PDE4D: variants seen among roughly 807,000 people sequenced by gnomAD.
PDE4D encodes the protein phosphodiesterase 4D.
PDE4D carries 24 observed loss-of-function variants against 87.4 expected under a neutral mutation model. The ratio of observed to expected loss-of-function variants is 0.27; its 90% CI spans 0.20 to 0.39. The LOEUF (loss-of-function observed/expected upper bound fraction) is 0.39, where lower values mean the gene tolerates loss of function less well. Ranked by LOEUF, PDE4D falls within the 10% of genes least tolerant of loss-of-function variation. The probability of loss-of-function intolerance (pLI) is 1.00; values close to 1 mark genes in which losing one functional copy is unlikely to be tolerated. For missense variants in PDE4D, 714 were observed against 1,041.0 expected, an observed-to-expected ratio of 0.69 and a Z score of 4.32; for synonymous variants, 384 against 383.2, an observed-to-expected ratio of 1.00 and a Z score of -0.02.
At chr5:59,851,649 T>C (rs1217250214) in intron 1 of PDE4D, among the ~76,000 whole-genome samples, 1 of 152,050 alleles carries the variant, frequency 6.6e-6, no homozygotes, top group East Asian at 1.9e-4. Context: ...GTGGGCCAGA[T>C]ATAATCATAT....
At chr5:60,173,152 A>G (rs1783618408) in intron 2 of PDE4D, among the ~76,000 whole-genome samples, 1 of 152,112 alleles carries the variant, frequency 6.6e-6, no homozygotes, top group Non-Finnish European at 1.5e-5. Flanking sequence ...AGTGATGCCT[A>G]CAGTTACATT....
intron 11 of PDE4D, among the ~76,000 whole-genome samples, chr5:58,981,666 A>C (rs1225389411): frequency 6.6e-6 from 1 of 152,100 alleles, no homozygotes; most frequent in African/African-American, 2.4e-5. Context: ...GGTATTTGTA[A>C]TTACCTTCTT....
intron 1 of PDE4D, among the ~76,000 whole-genome samples, chr5:59,276,696 C>T (rs1764887037): frequency 2.0e-5 from 3 of 151,950 alleles, no homozygotes; most frequent in Admixed American, 1.3e-4. Flanking sequence ...GTTTTCTAAA[C>T]CTTATTTTTT....
intron 1 of PDE4D, chr5:59,314,925 C>A (rs1313609220): frequency 4.6e-5 from 7 of 152,110 alleles, no homozygotes. Flanking sequence ...GAGGGAGGAT[C>A]CCTGGAGAAT....
chr5:59,262,982 T>C (rs1162430116), intron 1 of PDE4D, among the ~76,000 whole-genome samples: 1 of 151,800 alleles, frequency 6.6e-6, no homozygotes, highest in Non-Finnish European at 1.5e-5. Flanking sequence ...AGATTAGAAT[T>C]GCCAGTGGTG....
At chr5:60,091,087 T>C (rs112268655) in intron 2 of PDE4D, among the ~76,000 whole-genome samples, 1 of 152,142 alleles carries the variant, frequency 6.6e-6, no homozygotes, top group African/African-American at 2.4e-5. Context: ...AGAACACTGG[T>C]CTGGGCAAAG....
At chr5:59,574,405 A>C (rs903555419) in intron 1 of PDE4D, among the ~76,000 whole-genome samples, 3 of 151,630 alleles carry the variant, frequency 2.0e-5, no homozygotes, top group Non-Finnish European at 2.9e-5. Context: ...AAAATGACAA[A>C]TTAAATAATG....
At chr5:59,984,503 T>C (rs1415545367) in intron 3 of PDE4D, among the ~76,000 whole-genome samples, 6 of 152,192 alleles carry the variant, frequency 3.9e-5, no homozygotes, top group Admixed American at 3.9e-4. Context: ...AATCACAGCA[T>C]ACACACAACC....
intron 1 of PDE4D, among the ~76,000 whole-genome samples, chr5:59,446,499 G>A (rs1039686377): frequency 2.2e-4 from 33 of 152,084 alleles, no homozygotes; most frequent in Non-Finnish European, 8.8e-5. Context: ...AATAGCATTC[G>A]CTAACTGGAT....
intron 1 of PDE4D, among the ~76,000 whole-genome samples, chr5:59,825,025 C>T (rs6450532): frequency 0.67 from 101,382 of 151,998 alleles, 35,285 homozygotes; most frequent in African/African-American, 0.86. Flanking sequence ...GACCTCTTCA[C>T]GGGAAGACAT....
At chr5:60,019,859 T>C (rs530224047) in intron 2 of PDE4D, among the ~76,000 whole-genome samples, 1 of 152,342 alleles carries the variant, frequency 6.6e-6, no homozygotes, top group Non-Finnish European at 1.5e-5. Flanking sequence ...CAAGAACTTC[T>C]TTGCTTCAAG....
chr5:59,490,854 C>T (rs767685578), intron 1 of PDE4D, among the ~76,000 whole-genome samples: 5 of 152,304 alleles, frequency 3.3e-5, no homozygotes, highest in Non-Finnish European at 7.4e-5. Context: ...TATAGAGAAA[C>T]TCTAGGCAAT....
chr5:60,263,445 C>T (rs140281262), intron 1 of PDE4D, among the ~76,000 whole-genome samples: 94 of 152,272 alleles, frequency 6.2e-4, no homozygotes, highest in African/African-American at 2.1e-3. Context: ...AGGCAAAGAA[C>T]AAGTGACAAT....
At chr5:60,117,247 A>AT (rs1032629425) in intron 2 of PDE4D, among the ~76,000 whole-genome samples, 3 of 151,814 alleles carry the variant, frequency 2.0e-5, no homozygotes, top group African/African-American at 7.3e-5. Context: ...TTGATCTGTC[A>AT]TTTTTTCACT....
At chr5:59,490,603 T>C (rs973465117) in intron 1 of PDE4D, among the ~76,000 whole-genome samples, 9 of 152,196 alleles carry the variant, frequency 5.9e-5, no homozygotes, top group Admixed American at 2.0e-4. Flanking sequence ...TAGTATTTCT[T>C]TATATGTTAC....
At chr5:59,208,214 G>A (rs891449342) in intron 2 of PDE4D, among the ~76,000 whole-genome samples, 1 of 152,090 alleles carries the variant, frequency 6.6e-6, no homozygotes, top group Non-Finnish European at 1.5e-5. Context: ...GGAACATAGT[G>A]AGTATAAAGG....
chr5:59,112,659 G>C (rs1473285656), intron 5 of PDE4D, among the ~76,000 whole-genome samples: 2 of 152,078 alleles, frequency 1.3e-5, no homozygotes, highest in African/African-American at 4.8e-5. Flanking sequence ...GCTTTGGCCT[G>C]AGCAACTGAG....
At chr5:59,574,040 T>TA (rs1561239669) in intron 1 of PDE4D, among the ~76,000 whole-genome samples, 4 of 88,992 alleles carry the variant, frequency 4.5e-5, no homozygotes, top group Non-Finnish European at 8.3e-5. Flanking sequence ...AAATATATAT[T>TA]TATATATATT....
intron 1 of PDE4D, among the ~76,000 whole-genome samples, chr5:59,609,874 T>A (rs1828755932): frequency 6.6e-6 from 1 of 152,128 alleles, no homozygotes; most frequent in South Asian, 2.1e-4. Flanking sequence ...ACTCTCCTAA[T>A]CATATCCCGG....
Sources: allele counts gnomAD v4.1 joint callset (sites outside exome capture counted in the v4.1 genomes callset), GRCh38; gene constraint gnomAD v4.1.1; transcripts MANE v1.5; gene names NCBI Gene and HGNC (gene_info 2026-07-23, HGNC 2026-07-21).